The following TMEM272 variants were observed in gnomAD, a reference collection of about 807,000 sequenced individuals.
TMEM272 encodes the protein transmembrane protein 272.
TMEM272 carries 8 observed loss-of-function variants against 3.7 expected under a neutral mutation model. The ratio of observed to expected loss-of-function variants is 2.17; its 90% CI spans 1.27 to 3.91. The LOEUF (loss-of-function observed/expected upper bound fraction) is 3.91. TMEM272 is among the 30% of genes most tolerant of loss of function. The pLI is 0.00. For missense variants in TMEM272, 166 were observed against 91.5 expected, an observed-to-expected ratio of 1.81 and a Z score of -3.32; for synonymous variants, 63 against 39.8, an observed-to-expected ratio of 1.58 and a Z score of -2.20.
intron 2 of TMEM272, among the ~76,000 whole-genome samples, chr13:51,830,987 T>C (rs1001950073): frequency 2.0e-5 from 3 of 152,112 alleles, no homozygotes; most frequent in Non-Finnish European, 4.4e-5. Context: ...TAAAGTCTAA[T>C]GAGGCTCACT....
chr13:51,925,049 T>G, the TMEM272 span, among the ~76,000 whole-genome samples: 1 of 152,228 alleles, frequency 6.6e-6, no homozygotes, highest in Non-Finnish European at 1.5e-5. Context: ...TTGACACCTC[T>G]TCCTCTGGGA....
the TMEM272 span, among the ~76,000 whole-genome samples, chr13:51,893,718 C>G: frequency 4.2e-4 from 64 of 152,098 alleles, no homozygotes; most frequent in African/African-American, 1.5e-3. Flanking sequence ...GGAGGCCACA[C>G]AGTTGCTTCT....
chr13:51,915,032 T>C, the TMEM272 span, among the ~76,000 whole-genome samples: 2 of 152,234 alleles, frequency 1.3e-5, no homozygotes, highest in African/African-American at 4.8e-5. Context: ...AAGTGATGTT[T>C]AGAATGTAAA....
the TMEM272 span, among the ~76,000 whole-genome samples, chr13:51,887,820 A>G: frequency 6.6e-6 from 1 of 152,218 alleles, no homozygotes; most frequent in African/African-American, 2.4e-5. Context: ...CCACTGGGGA[A>G]CAAGGGGCTG....
chr13:51,923,065 C>T, the TMEM272 span, among the ~76,000 whole-genome samples: 1 of 152,194 alleles, frequency 6.6e-6, no homozygotes, highest in African/African-American at 2.4e-5. Flanking sequence ...GTGCTGGAGG[C>T]ATGGAGTGGG....
the TMEM272 span, among the ~76,000 whole-genome samples, chr13:51,899,745 T>A: frequency 6.6e-6 from 1 of 152,242 alleles, no homozygotes. Flanking sequence ...CAGATCTTAA[T>A]GCAAAGCTAT....
the TMEM272 span, among the ~76,000 whole-genome samples, chr13:51,874,834 G>A: frequency 0.049 from 7,497 of 152,192 alleles, 443 homozygotes; most frequent in African/African-American, 0.15. Context: ...TTATGGCTGC[G>A]CTGTCTGTGC....
the TMEM272 span, among the ~76,000 whole-genome samples, chr13:51,900,375 A>G: frequency 6.6e-6 from 1 of 152,270 alleles, no homozygotes. Flanking sequence ...GACCATGGAA[A>G]GATGCTCAAC....
chr13:51,899,081 T>A, the TMEM272 span, among the ~76,000 whole-genome samples: 1 of 152,192 alleles, frequency 6.6e-6, no homozygotes, highest in African/African-American at 2.4e-5. Flanking sequence ...AATGAAACTA[T>A]CTCTATTCAC....
At chr13:51,896,886 G>A in the TMEM272 span, among the ~76,000 whole-genome samples, 2 of 152,324 alleles carry the variant, frequency 1.3e-5, no homozygotes, top group African/African-American at 4.8e-5. Context: ...CACTGGGGTA[G>A]GACCCAGGCA....
the TMEM272 span, among the ~76,000 whole-genome samples, chr13:51,896,946 G>A: frequency 6.6e-6 from 1 of 152,232 alleles, no homozygotes; most frequent in African/African-American, 2.4e-5. Flanking sequence ...CACCTTGACA[G>A]GAGTTAGTCT....
At chr13:51,908,336 T>C in the TMEM272 span, 2 of 1,420,430 alleles carry the variant, frequency 1.4e-6, no homozygotes, top group South Asian at 2.3e-5. Flanking sequence ...ATCCAGGTCT[T>C]GGGGGAAGGT....
upstream of TMEM272, among the ~76,000 whole-genome samples, chr13:51,846,974 A>G (rs1956310279): frequency 6.6e-6 from 1 of 152,206 alleles, no homozygotes. Flanking sequence ...TCACTCACTC[A>G]CTGACTCATC....
At chr13:51,875,969 C>A in the TMEM272 span, among the ~76,000 whole-genome samples, 1 of 152,354 alleles carries the variant, frequency 6.6e-6, no homozygotes, top group East Asian at 1.9e-4. Flanking sequence ...GCAATTCTCT[C>A]CTAGCTACTT....
the TMEM272 span, among the ~76,000 whole-genome samples, chr13:51,897,222 C>CT: frequency 6.2e-3 from 940 of 152,100 alleles, 11 homozygotes; most frequent in African/African-American, 0.022. Flanking sequence ...AAGACATTGT[C>CT]TTTTTTTTAT....
At chr13:51,908,647 T>C in the TMEM272 span, 4 of 1,483,864 alleles carry the variant, frequency 2.7e-6, no homozygotes, top group African/African-American at 5.5e-5. Flanking sequence ...TCATTTCCAC[T>C]GGATTCCATT....
At chr13:51,854,066 ACTGT>A in the TMEM272 span, among the ~76,000 whole-genome samples, 4 of 152,252 alleles carry the variant, frequency 2.6e-5, no homozygotes, top group East Asian at 3.8e-4. Context: ...TTTAAGTTAA[ACTGT>A]CTATCTTGAG....
At chr13:51,899,391 CGACT>C in the TMEM272 span, among the ~76,000 whole-genome samples, 1 of 152,068 alleles carries the variant, frequency 6.6e-6, no homozygotes, top group South Asian at 2.1e-4. Context: ...AAGGGTATAG[CGACT>C]GAAAGGTTTT....
At chr13:51,925,432 C>T in the TMEM272 span, among the ~76,000 whole-genome samples, 1 of 152,136 alleles carries the variant, frequency 6.6e-6, no homozygotes, top group African/African-American at 2.4e-5. Context: ...CAGATGCTAC[C>T]AAAGGTGGAA....
Sources: allele counts gnomAD v4.1 joint callset (sites outside exome capture counted in the v4.1 genomes callset), GRCh38; gene constraint gnomAD v4.1.1; transcripts MANE v1.5; gene names NCBI Gene and HGNC (gene_info 2026-07-23, HGNC 2026-07-21).